The following INO80 variants were observed in gnomAD, a reference collection of about 807,000 sequenced individuals.
INO80 encodes the protein chromatin-remodeling ATPase INO80.
In INO80, 20 loss-of-function variants were observed where a neutral mutation model predicts 203.4. That is an observed-to-expected ratio of 0.10 (90% confidence interval 0.07 to 0.14). The LOEUF (loss-of-function observed/expected upper bound fraction) is 0.14. Among genes scored for constraint, INO80 ranks in the 10% least tolerant of loss-of-function variants. The probability of loss-of-function intolerance (pLI) is 1.00; values close to 1 mark genes in which losing one functional copy is unlikely to be tolerated. For missense variants in INO80, 1,419 were observed against 1,914.4 expected, an observed-to-expected ratio of 0.74 and a Z score of 4.83; for synonymous variants, 726 against 685.2, an observed-to-expected ratio of 1.06 and a Z score of -0.93.
Position 40,982,967 on chromosome 15 carries a change from G to A in INO80, c.4348C>T (p.Arg1450Ter). 1 of 1,614,152 alleles carries A rather than the reference G, an allele frequency of 6.2e-7. No homozygotes were observed. The highest frequency in any genetic ancestry group is 8.5e-7 in the Non-Finnish European group (1 of 1,180,036). ...GCAGCACTGCCTGCCGTGGACTTTCGGCTCCGGCCCTTCCCTGCTCCTTTG... is the reference window on the plus strand; with the variant it reads ...GCAGCACTGCCTGCCGTGGACTTTCAGCTCCGGCCCTTCCCTGCTCCTTTG... ...TAKGAGKGRS[R>*]KSTAGSAAAM... The change falls in exon 35 of 36, where the codon CGA becomes TGA. Residue 1450 changes from arginine to a stop codon, truncating the protein, a stop_gained. Coordinates refer to ENST00000648947, the MANE Select transcript of INO80 (RefSeq NM_017553.3). LOFTEE classifies it high-confidence loss of function.
intron 1 of INO80, among the ~76,000 whole-genome samples, chr15:41,108,563 G>C (rs1358605840): frequency 6.9e-6 from 1 of 145,516 alleles, no homozygotes; most frequent in African/African-American, 2.6e-5. Flanking sequence ...CTGCATTCCA[G>C]CCTGGGGGAC....
chr15:41,114,390 C>T (rs755877759), intron 1 of INO80, among the ~76,000 whole-genome samples: 2 of 151,940 alleles, frequency 1.3e-5, no homozygotes, highest in Non-Finnish European at 2.9e-5. Context: ...TAAAATGCAA[C>T]TAGAACAGAA....
At chr15:41,047,200 G>C (rs1259108813) in intron 23 of INO80, among the ~76,000 whole-genome samples, 3 of 150,732 alleles carry the variant, frequency 2.0e-5, no homozygotes, top group Non-Finnish European at 4.4e-5. Context: ...GCCGACCTCA[G>C]GTGATCCACC....
chr15:41,099,929 T>A (rs2045782749), intron 1 of INO80, among the ~76,000 whole-genome samples: 1 of 152,174 alleles, frequency 6.6e-6, no homozygotes, highest in East Asian at 1.9e-4. Flanking sequence ...CATGTATAAA[T>A]GTAAAACTAC....
Position 41,095,901 on chromosome 15 carries a change from G to A in INO80, c.171C>T (p.Asp57=), listed in dbSNP as rs1306890280. 3.7e-6 allele frequency: 6 copies of A among 1,613,756 alleles called. No homozygotes were observed. The highest frequency in any genetic ancestry group is 1.3e-5 in the African/African-American group (1 of 74,904). The change falls in exon 3 of 36, where the codon GAC becomes GAT. Residue 57 remains aspartate, a synonymous_variant. Transcript: ENST00000648947. ...CAGACTGGGGCAATAATGGATTACTGTCATCCAGTCCATCTTCACTGTCAT... is the reference window on the plus strand; with the variant it reads ...CAGACTGGGGCAATAATGGATTACTATCATCCAGTCCATCTTCACTGTCAT... ...SSDDSEDGLD[D]SNPLLPQSGD... is the part of the protein sequence containing the mutation.
intron 19 of INO80, among the ~76,000 whole-genome samples, chr15:41,052,408 C>T (rs1345189001): frequency 6.6e-6 from 1 of 151,986 alleles, no homozygotes. Context: ...CACGGTGGCT[C>T]ATGCTTATAG....
chr15:41,092,275 A>G (rs2045657048), intron 4 of INO80, 93 bp from the exon 5 acceptor site: 5 of 985,282 alleles, frequency 5.1e-6, no homozygotes. Context: ...ACAATGACAA[A>G]AACAGCAGAA....
At chr15:41,096,697 C>A (rs1488902934) in intron 1 of INO80, among the ~76,000 whole-genome samples, 1 of 152,172 alleles carries the variant, frequency 6.6e-6, no homozygotes, top group Non-Finnish European at 1.5e-5. Flanking sequence ...AAACAACTAT[C>A]CAAATCTACA....
Position 41,058,752 on chromosome 15 carries a change from G to T in INO80, c.1872C>A (p.Phe624Leu), listed in dbSNP as rs2045046822. The change falls in exon 16 of 36, where the codon TTC (phenylalanine) becomes TTA (leucine). Residue 624 changes from phenylalanine (F) to leucine (L), a missense_variant. Coordinates refer to ENST00000648947, the MANE Select transcript of INO80 (RefSeq NM_017553.3). ...QKTLYTQDAPFHVVITSYQLV... is the reference protein window; with the variant it reads ...QKTLYTQDAPLHVVITSYQLV... ...GCTGATAGCTGGTAATAACCACATG[G>T]AAGGGGGCATCCTGAGTGTAGAGGG... The T allele has an allele frequency of 1.2e-6, 2 of 1,613,818 alleles. No individual in the cohort carries two copies. Among genetic ancestry groups the T allele is most frequent in the Non-Finnish European group, 1.7e-6 (2 of 1,179,944 alleles).
In INO80 at chr15:40,980,297, TGTG is replaced by T; in HGVS notation, c.4594_4596del (p.His1532del). 1 of 1,613,826 alleles carries T rather than the reference TGTG, an allele frequency of 6.2e-7. No individual in the cohort carries two copies. The highest frequency in any genetic ancestry group is 8.5e-7 in the Non-Finnish European group (1 of 1,179,992). ...GAGTCTGGGGCTAGGCTGCTGGTCA[TGTG>T]GAGGTTCTTGGGATTCCCAGGAACA... On this transcript the variant is annotated inframe_deletion, in exon 36 of 36. Coordinates refer to ENST00000648947, the MANE Select transcript of INO80 (RefSeq NM_017553.3).
chr15:41,090,108 A>G (rs771906638), intron 5 of INO80, among the ~76,000 whole-genome samples: 2 of 152,196 alleles, frequency 1.3e-5, no homozygotes, highest in Non-Finnish European at 2.9e-5. Context: ...ATGCATATAT[A>G]AGATAAGGTA....
At chr15:41,059,650 T>C (rs2045066672) in intron 15 of INO80, among the ~76,000 whole-genome samples, 1 of 150,696 alleles carries the variant, frequency 6.6e-6, no homozygotes, top group Non-Finnish European at 1.5e-5. Context: ...CAAGACCTTG[T>C]CTCAAAAAAA....
At chr15:41,098,901 T>C (rs1314547795) in intron 1 of INO80, among the ~76,000 whole-genome samples, 4 of 151,918 alleles carry the variant, frequency 2.6e-5, no homozygotes, top group Non-Finnish European at 5.9e-5. Flanking sequence ...AAATGCTAAA[T>C]ATTAATAAAT....
intron 27 of INO80, among the ~76,000 whole-genome samples, chr15:41,007,995 G>A (rs1444997288): frequency 2.0e-5 from 3 of 152,098 alleles, no homozygotes; most frequent in Admixed American, 1.3e-4. Context: ...CCAACATGGC[G>A]AAACCCCATC....
At position 41,048,205 on chromosome 15, in the gene INO80, C is replaced by A; in HGVS notation, c.2641+7G>T. 6.2e-7 allele frequency: 1 copy of A among 1,609,574 alleles called. No individual in the cohort carries two copies. Among genetic ancestry groups the A allele is most frequent in the South Asian group, 1.1e-5 (1 of 90,850 alleles). ...AAACCTACTTTCCCAAAGATCAAAACACCTACCTTTTCTGTGAAAGAGAGA... is the reference window on the plus strand; with the variant it reads ...AAACCTACTTTCCCAAAGATCAAAAAACCTACCTTTTCTGTGAAAGAGAGA... On this transcript the variant is annotated splice_region_variant and intron_variant, in intron 22 of 35. Coordinates refer to ENST00000648947, the MANE Select transcript of INO80 (RefSeq NM_017553.3).
At chr15:41,023,190 C>A in intron 25 of INO80, 2 of 430,760 alleles carry the variant, frequency 4.6e-6, no homozygotes, top group South Asian at 1.6e-5. Context: ...TGAGCATGGG[C>A]AAATAAATAT....
At chr15:40,994,153 C>G (rs372713434) in intron 29 of INO80, among the ~76,000 whole-genome samples, 1 of 152,152 alleles carries the variant, frequency 6.6e-6, no homozygotes, top group Non-Finnish European at 1.5e-5. Flanking sequence ...CATGTTCTCA[C>G]CTTAGGGCTT....
chr15:41,016,314 GA>G, intron 26 of INO80, 99 bp from the exon 27 acceptor site: 1 of 1,170,598 alleles, frequency 8.5e-7, no homozygotes, highest in Non-Finnish European at 1.2e-6. Context: ...CTAAAACCAA[GA>G]TGCTTGTCAT....
chr15:40,992,012 G>A (rs557690629), intron 29 of INO80, among the ~76,000 whole-genome samples: 9 of 152,264 alleles, frequency 5.9e-5, no homozygotes, highest in Non-Finnish European at 1.2e-4. Flanking sequence ...TCCTGACCTC[G>A]TGATCCGCCA....
Sources: gnomAD v4.1 joint callset for allele counts (sites outside exome capture counted in the v4.1 genomes callset) on GRCh38, gnomAD v4.1.1 for gene constraint, MANE v1.5 for transcripts, NCBI Gene and HGNC (gene_info 2026-07-23, HGNC 2026-07-21) for gene names.